The following KHDRBS2 variants were observed in gnomAD, a reference collection of about 807,000 sequenced individuals.
KHDRBS2 encodes the protein KH RNA binding domain containing, signal transduction associated 2.
Under a neutral mutation model 44.3 loss-of-function variants are expected in KHDRBS2, and 26 were observed. The ratio of observed to expected loss-of-function variants is 0.59; its 90% CI spans 0.43 to 0.81. The LOEUF is 0.81. Ranked by LOEUF, KHDRBS2 falls within the 40% of genes least tolerant of loss-of-function variation. The probability of loss-of-function intolerance (pLI) is 0.00; values close to 1 mark genes in which losing one functional copy is unlikely to be tolerated. For synonymous variants in KHDRBS2, 194 were observed against 151.1 expected (o/e 1.28, Z -2.08); for missense variants, 476 against 433.1 (o/e 1.10, Z -0.88).
intron 8 of KHDRBS2, among the ~76,000 whole-genome samples, chr6:61,682,245 G>A (rs575776450): frequency 3.1e-4 from 47 of 151,872 alleles, no homozygotes; most frequent in African/African-American, 1.1e-3. Context: ...GTAGAAAAAT[G>A]ATCAAAAGTT....
chr6:62,106,547 C>G (rs1217446481), intron 2 of KHDRBS2, among the ~76,000 whole-genome samples: 1 of 152,078 alleles, frequency 6.6e-6, no homozygotes, highest in Non-Finnish European at 1.5e-5. Flanking sequence ...GAACTGGTAC[C>G]TTTCCTTCTG....
chr6:61,696,855 T>C (rs1205246819), intron 8 of KHDRBS2, among the ~76,000 whole-genome samples: 2 of 152,176 alleles, frequency 1.3e-5, no homozygotes, highest in Non-Finnish European at 2.9e-5. Flanking sequence ...TATGTTACTC[T>C]GATGATCTTT....
chr6:61,786,227 A>G (rs1316244844), intron 6 of KHDRBS2, among the ~76,000 whole-genome samples: 1 of 152,052 alleles, frequency 6.6e-6, no homozygotes, highest in Admixed American at 6.6e-5. Flanking sequence ...AGGAAAATGT[A>G]GTGCAAAGTG....
chr6:62,067,247 A>G (rs1202393578), intron 2 of KHDRBS2, among the ~76,000 whole-genome samples: 1 of 151,582 alleles, frequency 6.6e-6, no homozygotes, highest in Non-Finnish European at 1.5e-5. Flanking sequence ...AAATTTCTTA[A>G]TACCCATTAA....
the KHDRBS2 span, among the ~76,000 whole-genome samples, chr6:61,636,519 T>A: frequency 1.3e-5 from 2 of 152,098 alleles, no homozygotes; most frequent in Admixed American, 6.6e-5. Context: ...TTCCATCTAA[T>A]CTTGTGACTC....
chr6:62,269,200 C>A (rs1286381979), intron 1 of KHDRBS2, among the ~76,000 whole-genome samples: 1 of 151,954 alleles, frequency 6.6e-6, no homozygotes, highest in South Asian at 2.1e-4. Context: ...GCAAAGATTT[C>A]TTAGAGAGGA....
At chr6:62,169,919 A>G (rs1819665106) in intron 2 of KHDRBS2, among the ~76,000 whole-genome samples, 1 of 151,672 alleles carries the variant, frequency 6.6e-6, no homozygotes, top group South Asian at 2.1e-4. Context: ...ACAAAGCTTG[A>G]GGCCAGCTTC....
intron 3 of KHDRBS2, among the ~76,000 whole-genome samples, chr6:62,020,923 T>C (rs914110786): frequency 6.6e-6 from 1 of 152,084 alleles, no homozygotes; most frequent in Non-Finnish European, 1.5e-5. Flanking sequence ...TAAAGACAAA[T>C]GCATGCATAT....
chr6:61,894,955 C>CTGTG (rs1294021654), intron 5 of KHDRBS2, 122 bp from the exon 6 acceptor site: 3 of 635,804 alleles, frequency 4.7e-6, no homozygotes, highest in Non-Finnish European at 5.5e-6. Flanking sequence ...CTCTCTCTCT[C>CTGTG]TCTGTGTGTG....
At chr6:61,716,360 T>C (rs1005283688) in intron 7 of KHDRBS2, among the ~76,000 whole-genome samples, 4 of 151,960 alleles carry the variant, frequency 2.6e-5, no homozygotes, top group African/African-American at 9.7e-5. Context: ...CCAGACATAG[T>C]GAAGCAGAAA....
At chr6:61,607,251 A>G in the KHDRBS2 span, among the ~76,000 whole-genome samples, 1 of 151,926 alleles carries the variant, frequency 6.6e-6, no homozygotes, top group Non-Finnish European at 1.5e-5. Flanking sequence ...AGCTGAGAGA[A>G]TAGCTAACAT....
At chr6:62,273,486 A>C (rs1270458257) in intron 1 of KHDRBS2, among the ~76,000 whole-genome samples, 2 of 152,202 alleles carry the variant, frequency 1.3e-5, no homozygotes, top group African/African-American at 4.8e-5. Flanking sequence ...TTTACCCGAT[A>C]CTGAAATTAC....
At chr6:61,555,014 G>GT in the KHDRBS2 span, among the ~76,000 whole-genome samples, 13 of 151,564 alleles carry the variant, frequency 8.6e-5, no homozygotes, top group East Asian at 1.9e-4. Flanking sequence ...TTTCACAGGG[G>GT]TTTTTTTTGC....
chr6:61,933,584 C>T lies in KHDRBS2; in HGVS notation c.484-32213G>A, dbSNP rs562448419. On this transcript the variant is annotated intron_variant, in intron 4 of 8. Transcript: ENST00000281156. ...ATTTACACAAACCTAGATAGTATAG[C>T]CTACCACACACCTAGGCTTATATAG... is the stretch of plus-strand genomic sequence containing the variant. Among the ~76,000 whole-genome samples, 5 of 152,248 alleles carry T rather than the reference C, an allele frequency of 3.3e-5. No individual in the cohort carries two copies. The South Asian group carries it at 1.0e-3, about 32-fold the overall frequency.
chr6:61,966,852 AG>A (rs1770065543), intron 4 of KHDRBS2, among the ~76,000 whole-genome samples: 1 of 151,874 alleles, frequency 6.6e-6, no homozygotes, highest in Non-Finnish European at 1.5e-5. Flanking sequence ...ATGCACTTAG[AG>A]AAAACCTCTC....
chr6:61,782,689 G>GTGTATA (rs1189465280), intron 6 of KHDRBS2, among the ~76,000 whole-genome samples: 8 of 111,118 alleles, frequency 7.2e-5, no homozygotes, highest in Admixed American at 1.0e-4. Context: ...TAAAGGTTGT[G>GTGTATA]TATATATATA....
the KHDRBS2 span, among the ~76,000 whole-genome samples, chr6:61,588,406 A>G: frequency 2.0e-5 from 3 of 152,206 alleles, no homozygotes; most frequent in Non-Finnish European, 4.4e-5. Flanking sequence ...AACCTCCATT[A>G]TGGTGACTAT....
At chr6:61,879,561 A>T (rs7753120) in intron 6 of KHDRBS2, among the ~76,000 whole-genome samples, 64,293 of 151,676 alleles carry the variant, frequency 0.42, 13,827 homozygotes, top group Admixed American at 0.49. Flanking sequence ...TGATATTAAA[A>T]ACTAAAGCCC....
At chr6:62,160,004 T>A (rs1471449044) in intron 2 of KHDRBS2, among the ~76,000 whole-genome samples, 1 of 152,124 alleles carries the variant, frequency 6.6e-6, no homozygotes, top group African/African-American at 2.4e-5. Context: ...AACTGTCATT[T>A]GTATTCTATA....
Sources: allele counts gnomAD v4.1 joint callset (sites outside exome capture counted in the v4.1 genomes callset), GRCh38; gene constraint gnomAD v4.1.1; transcripts MANE v1.5; gene names NCBI Gene and HGNC (gene_info 2026-07-23, HGNC 2026-07-21).